The following SUMF1 variants were observed in gnomAD, a reference collection of about 807,000 sequenced individuals.
SUMF1 encodes formylglycine-generating enzyme.
SUMF1 carries 48 observed loss-of-function variants against 47.6 expected under a neutral mutation model. The ratio of observed to expected loss-of-function variants is 1.01; its 90% CI spans 0.80 to 1.28. The LOEUF (loss-of-function observed/expected upper bound fraction) is 1.28. Ranked by LOEUF, SUMF1 falls within the 50% of genes most tolerant of loss-of-function variation. SUMF1 has a pLI of 0.00. For synonymous variants in SUMF1, 230 were observed against 192.1 expected, an observed-to-expected ratio of 1.20 and a Z score of -1.63; for missense variants, 571 against 485.4, an observed-to-expected ratio of 1.18 and a Z score of -1.66.
intron 8 of SUMF1, chr3:4,229,259 G>T: frequency 3.1e-6 from 1 of 324,236 alleles, no homozygotes; most frequent in South Asian, 2.6e-5. Flanking sequence ...CTGCCCACCC[G>T]GACAATCATC....
chr3:4,071,280 A>T (rs1460726893), intron 8 of SUMF1, among the ~76,000 whole-genome samples: 2 of 152,124 alleles, frequency 1.3e-5, no homozygotes, highest in East Asian at 3.9e-4. Flanking sequence ...AACCTGGTTC[A>T]TCTCATTGAG....
At chr3:4,125,380 T>C (rs964054896) in intron 8 of SUMF1, among the ~76,000 whole-genome samples, 2 of 138,908 alleles carry the variant, frequency 1.4e-5, no homozygotes, top group African/African-American at 4.9e-5. Flanking sequence ...GAAAAAGCAC[T>C]ATGCTTTATT....
At chr3:4,116,694 T>TG (rs1693430380) in intron 8 of SUMF1, among the ~76,000 whole-genome samples, 1 of 152,146 alleles carries the variant, frequency 6.6e-6, no homozygotes, top group South Asian at 2.1e-4. Flanking sequence ...AGAGACTCTT[T>TG]GGTCTGTACT....
chr3:4,239,768 C>G lies in SUMF1; in HGVS notation c.1014+136562G>C, dbSNP rs548122314. Among the ~76,000 whole-genome samples the G allele has an allele frequency of 6.6e-5, 10 of 152,276 alleles. No homozygotes were observed. In the East Asian group the frequency reaches 1.9e-3, roughly 29 times the overall value. On this transcript the variant is annotated intron_variant and NMD_transcript_variant, in intron 8 of 12. Transcript: ENST00000448413. ...CTAATTGAATACCCTTTATTTCTTT[C>G]TCTTGCCTGATTGCCCTGGCCAGAA... is the stretch of plus-strand genomic sequence containing the variant.
At chr3:4,193,914 G>A (rs1391294104) in intron 8 of SUMF1, among the ~76,000 whole-genome samples, 1 of 152,122 alleles carries the variant, frequency 6.6e-6, no homozygotes, top group African/African-American at 2.4e-5. Flanking sequence ...TATATGACAT[G>A]TAAGAATGAA....
rs1695307533 is a variant in SUMF1 at position 4,191,206 on chromosome 3, C to G, written c.1015-122461G>C. Reference sequence around the variant, plus strand: ...TTGTATAGCAAGCCAACTGTTTTTACTTGGATTTTATGTTCATTTAGAGTG... The same window carrying G: ...TTGTATAGCAAGCCAACTGTTTTTAGTTGGATTTTATGTTCATTTAGAGTG... On this transcript the variant is annotated intron_variant and NMD_transcript_variant, in intron 8 of 12. Coordinates refer to the SUMF1 transcript ENST00000448413. Among the ~76,000 whole-genome samples, 3 of 152,188 alleles carry G rather than the reference C, an allele frequency of 2.0e-5. No homozygotes were observed. The South Asian group carries it at 6.2e-4, about 32-fold the overall frequency.
chr3:4,453,432 A>C (rs569000034), intron 1 of SUMF1, among the ~76,000 whole-genome samples: 1 of 151,914 alleles, frequency 6.6e-6, no homozygotes, highest in South Asian at 2.1e-4. Flanking sequence ...CAGTGGCATG[A>C]TCAGGGCTCA....
At chr3:4,049,060 A>T (rs1695058279) in intron 9 of SUMF1, among the ~76,000 whole-genome samples, 1 of 152,068 alleles carries the variant, frequency 6.6e-6, no homozygotes. Context: ...GGAGCATGAA[A>T]CCCATGTCAC....
At chr3:4,104,390 C>T (rs1298936693) in intron 8 of SUMF1, among the ~76,000 whole-genome samples, 3 of 152,014 alleles carry the variant, frequency 2.0e-5, no homozygotes, top group African/African-American at 7.3e-5. Context: ...TATATCTTTA[C>T]CAGCAGCATG....
chr3:4,169,376 T>C (rs112425495), intron 8 of SUMF1, among the ~76,000 whole-genome samples: 7 of 152,060 alleles, frequency 4.6e-5, no homozygotes, highest in African/African-American at 7.2e-5. Context: ...AGTATCTTTA[T>C]AAAAAGGGGA....
intron 7 of SUMF1, among the ~76,000 whole-genome samples, chr3:4,381,177 G>A (rs999071287): frequency 6.6e-5 from 10 of 152,200 alleles, no homozygotes; most frequent in African/African-American, 2.2e-4. Flanking sequence ...ACAGTCAAAA[G>A]GCACCACTAG....
chr3:4,229,371 A>G (rs1259039105), intron 8 of SUMF1: 3 of 404,446 alleles, frequency 7.4e-6, no homozygotes, highest in Admixed American at 2.9e-5. Context: ...CACAGCCCCA[A>G]AAGCCAAGAA....
At chr3:4,359,825 A>G (rs1387812038), downstream of SUMF1, among the ~76,000 whole-genome samples, 1 of 152,084 alleles carries the variant, frequency 6.6e-6, no homozygotes, top group Non-Finnish European at 1.5e-5. Flanking sequence ...TTGGGTGGGG[A>G]CGCAGTCAAA....
At chr3:4,392,314 C>A (rs928273134) in intron 7 of SUMF1, among the ~76,000 whole-genome samples, 1 of 151,748 alleles carries the variant, frequency 6.6e-6, no homozygotes, top group African/African-American at 2.4e-5. Flanking sequence ...TCACAGTTGG[C>A]GTATTTTATA....
At chr3:4,259,118 TG>T (rs1198461649) in intron 8 of SUMF1, among the ~76,000 whole-genome samples, 1 of 79,616 alleles carries the variant, frequency 1.3e-5, no homozygotes, top group Non-Finnish European at 2.4e-5. Flanking sequence ...TGTGGTGGGG[TG>T]GGGGGAGGGT....
intron 8 of SUMF1, among the ~76,000 whole-genome samples, chr3:4,100,467 T>C (rs937181070): frequency 9.2e-5 from 14 of 151,918 alleles, no homozygotes; most frequent in Admixed American, 7.9e-4. Flanking sequence ...AAATTGTGCT[T>C]GAAAAGCCAC....
chr3:4,231,371 C>G (rs1242809), intron 8 of SUMF1, among the ~76,000 whole-genome samples: 101,258 of 151,980 alleles, frequency 0.67, 35,234 homozygotes, highest in African/African-American at 0.87. Context: ...CCTTAGAAAG[C>G]CTACCATTGC....
At chr3:4,461,321 A>C (rs2079810074) in intron 1 of SUMF1, among the ~76,000 whole-genome samples, 1 of 152,244 alleles carries the variant, frequency 6.6e-6, no homozygotes, top group African/African-American at 2.4e-5. Context: ...TCAACATTTT[A>C]AGCAGCTCTA....
At chr3:4,375,043 G>C (rs1028612093) in intron 8 of SUMF1, among the ~76,000 whole-genome samples, 1 of 151,246 alleles carries the variant, frequency 6.6e-6, no homozygotes, top group East Asian at 1.9e-4. Flanking sequence ...GGCTGAGATG[G>C]GAGGATCGCT....
Sources: gnomAD v4.1 joint callset for allele counts (sites outside exome capture counted in the v4.1 genomes callset) on GRCh38, gnomAD v4.1.1 for gene constraint, MANE v1.5 for transcripts, NCBI Gene and HGNC (gene_info 2026-07-23, HGNC 2026-07-21) for gene names.